GATAD2A: variants seen among roughly 807,000 people sequenced by gnomAD.
GATAD2A encodes the protein transcriptional repressor p66-alpha.
Under a neutral mutation model 68.5 loss-of-function variants are expected in GATAD2A, and 12 were observed. That is an observed-to-expected ratio of 0.18 (90% CI 0.11 to 0.28). The LOEUF (loss-of-function observed/expected upper bound fraction) is 0.28, where lower values mean the gene tolerates loss of function less well. Ranked by LOEUF, GATAD2A falls within the 10% of genes least tolerant of loss-of-function variation. The pLI, the probability that GATAD2A is intolerant of heterozygous loss-of-function variation, is 1.00. For synonymous variants in GATAD2A, 410 were observed against 375.3 expected (o/e 1.09, Z -1.07); for missense variants, 755 against 868.5 (o/e 0.87, Z 1.64).
chr19:19,407,093 G>C (rs2050366598), intron 1 of GATAD2A, among the ~76,000 whole-genome samples: 1 of 152,082 alleles, frequency 6.6e-6, no homozygotes, highest in Non-Finnish European at 1.5e-5. Flanking sequence ...TACATCTCTG[G>C]TTCTGTGTGC....
chr19:19,460,322 G>T (rs889992033), intron 1 of GATAD2A, among the ~76,000 whole-genome samples: 6 of 152,220 alleles, frequency 3.9e-5, no homozygotes, highest in African/African-American at 1.4e-4. Flanking sequence ...GGCCACAGGG[G>T]CGCTCTGGAG....
At chr19:19,478,972 A>G (rs527689740) in intron 2 of GATAD2A, among the ~76,000 whole-genome samples, 1 of 152,296 alleles carries the variant, frequency 6.6e-6, no homozygotes, top group African/African-American at 2.4e-5. Context: ...TCCCGTGGCT[A>G]TTTCTGTGTC....
At chr19:19,415,375 G>A (rs1005286728) in intron 1 of GATAD2A, among the ~76,000 whole-genome samples, 4 of 151,434 alleles carry the variant, frequency 2.6e-5, no homozygotes, top group African/African-American at 4.9e-5. Flanking sequence ...GGCTGGTCTT[G>A]AACTCGCGAC....
At chr19:19,465,716 C>T (rs143822495) in intron 2 of GATAD2A, 102 bp downstream of exon 2, 24 of 1,372,634 alleles carry the variant, frequency 1.7e-5, no homozygotes, top group Admixed American at 1.3e-4. Context: ...AACAGCTTGG[C>T]GGGGTTGTGG....
intron 2 of GATAD2A, among the ~76,000 whole-genome samples, chr19:19,491,244 G>A (rs1167131467): frequency 6.6e-6 from 1 of 152,136 alleles, no homozygotes; most frequent in Non-Finnish European, 1.5e-5. Flanking sequence ...ACTCTTAGAC[G>A]TTTGTGACCA....
At chr19:19,454,080 C>G (rs925193986) in intron 1 of GATAD2A, among the ~76,000 whole-genome samples, 5 of 151,976 alleles carry the variant, frequency 3.3e-5, no homozygotes, top group African/African-American at 1.2e-4. Context: ...TCACCGCAAC[C>G]TCTACTTCCT....
chr19:19,445,998 A>G (rs2055668789), intron 1 of GATAD2A, among the ~76,000 whole-genome samples: 1 of 152,188 alleles, frequency 6.6e-6, no homozygotes, highest in Non-Finnish European at 1.5e-5. Flanking sequence ...GCCCAGGCTC[A>G]TGTGGGAACT....
intron 1 of GATAD2A, among the ~76,000 whole-genome samples, chr19:19,441,471 C>T (rs1036742553): frequency 1.3e-5 from 2 of 152,128 alleles, no homozygotes; most frequent in African/African-American, 2.4e-5. Context: ...TCACTGCAGC[C>T]TCCAGCAGTC....
At chr19:19,481,207 T>G (rs191063744) in intron 2 of GATAD2A, among the ~76,000 whole-genome samples, 2 of 152,070 alleles carry the variant, frequency 1.3e-5, no homozygotes, top group East Asian at 3.9e-4. Context: ...CTCCTCCTCT[T>G]TGTCCTTTAC....
At chr19:19,480,086 G>A (rs2058953496) in intron 2 of GATAD2A, among the ~76,000 whole-genome samples, 1 of 152,080 alleles carries the variant, frequency 6.6e-6, no homozygotes, top group South Asian at 2.1e-4. Flanking sequence ...GATTCCAGGT[G>A]TGAGCCACCG....
chr19:19,431,316 T>G (rs961482932), intron 1 of GATAD2A, among the ~76,000 whole-genome samples: 1 of 150,808 alleles, frequency 6.6e-6, no homozygotes, highest in Non-Finnish European at 1.5e-5. Context: ...TTGCACTGAT[T>G]GTATTGCAGG....
chr19:19,475,670 G>A (rs1476260560), intron 2 of GATAD2A, among the ~76,000 whole-genome samples: 1 of 152,210 alleles, frequency 6.6e-6, no homozygotes, highest in African/African-American at 2.4e-5. Context: ...CATGGGAACT[G>A]AGAGGTATGT....
At chr19:19,502,856 T>C (rs1725748231) in intron 11 of GATAD2A, among the ~76,000 whole-genome samples, 2 of 152,216 alleles carry the variant, frequency 1.3e-5, no homozygotes, top group Non-Finnish European at 2.9e-5. Flanking sequence ...TCTTGCCCAC[T>C]CAGGGTCCCC....
At chr19:19,426,677 AT>A (rs559619363) in intron 1 of GATAD2A, among the ~76,000 whole-genome samples, 6 of 151,564 alleles carry the variant, frequency 4.0e-5, no homozygotes, top group Non-Finnish European at 7.4e-5. Context: ...CCCCTGGCAA[AT>A]TTTTTTTGTA....
chr19:19,397,974 G>A (rs1423930311), intron 1 of GATAD2A, among the ~76,000 whole-genome samples: 1 of 152,118 alleles, frequency 6.6e-6, no homozygotes, highest in Non-Finnish European at 1.5e-5. Context: ...CGTGATCTCG[G>A]CTCACCACAA....
intron 2 of GATAD2A, among the ~76,000 whole-genome samples, chr19:19,466,172 T>A (rs1600205397): frequency 6.6e-6 from 1 of 152,214 alleles, no homozygotes; most frequent in East Asian, 1.9e-4. Context: ...ACTTCAAGAG[T>A]GACTTTCCTC....
chr19:19,418,542 C>G (rs1373374503), intron 1 of GATAD2A, among the ~76,000 whole-genome samples: 6 of 152,180 alleles, frequency 3.9e-5, no homozygotes, highest in African/African-American at 1.4e-4. Context: ...GGAAGAGGCT[C>G]AGTGTGAACC....
chr19:19,449,546 T>C (rs1039932197), intron 1 of GATAD2A, among the ~76,000 whole-genome samples: 8 of 151,166 alleles, frequency 5.3e-5, no homozygotes, highest in African/African-American at 2.0e-4. Context: ...TATACCTGGG[T>C]ATGTTTCTGT....
chr19:19,486,647 T>C (rs1159960722), intron 2 of GATAD2A, among the ~76,000 whole-genome samples: 1 of 152,158 alleles, frequency 6.6e-6, no homozygotes, highest in Non-Finnish European at 1.5e-5. Context: ...GGCAAACCTC[T>C]CTCTCCATTC....
Sources: allele counts gnomAD v4.1 joint callset (sites outside exome capture counted in the v4.1 genomes callset), GRCh38; gene constraint gnomAD v4.1.1; transcripts MANE v1.5; gene names NCBI Gene and HGNC (gene_info 2026-07-23, HGNC 2026-07-21).